The following C17orf78 variants were observed in gnomAD, a reference collection of about 807,000 sequenced individuals.
C17orf78 encodes chromosome 17 open reading frame 78, also known as uncharacterized protein C17orf78.
Under a neutral mutation model 31.8 loss-of-function variants are expected in C17orf78, and 27 were observed. That is an observed-to-expected ratio of 0.85 (90% confidence interval 0.63 to 1.17). The LOEUF is 1.17. Among genes scored for constraint, C17orf78 ranks in the 50% most tolerant of loss-of-function variants. The probability of loss-of-function intolerance (pLI) is 0.00; values close to 1 mark genes in which losing one functional copy is unlikely to be tolerated. For synonymous variants in C17orf78, 106 were observed against 115.1 expected, an observed-to-expected ratio of 0.92 and a Z score of 0.51; for missense variants, 258 against 315.2, an observed-to-expected ratio of 0.82 and a Z score of 1.37.
intron 3 of C17orf78, among the ~76,000 whole-genome samples, chr17:37,380,280 T>TG (rs2050188165): frequency 1.6e-5 from 1 of 60,674 alleles, no homozygotes; most frequent in African/African-American, 7.7e-5. Context: ...TGTTGTGGGG[T>TG]GGGGGGAGGG....
chr17:37,383,810 C>A (rs1279584621), intron 3 of C17orf78, among the ~76,000 whole-genome samples: 2 of 152,160 alleles, frequency 1.3e-5, no homozygotes, highest in African/African-American at 4.8e-5. Context: ...CTCAGCCTCC[C>A]AAAGTGCTGC....
chr17:37,377,481 G>A (rs1238348922), intron 1 of C17orf78, among the ~76,000 whole-genome samples: 1 of 151,872 alleles, frequency 6.6e-6, no homozygotes, highest in Non-Finnish European at 1.5e-5. Flanking sequence ...CCAAAATGGC[G>A]AAACCCCATC....
chr17:37,376,780 C>A (rs1333763157), intron 1 of C17orf78, among the ~76,000 whole-genome samples: 1 of 152,048 alleles, frequency 6.6e-6, no homozygotes, highest in Non-Finnish European at 1.5e-5. Flanking sequence ...CATGGCGAAA[C>A]CCCATCTCTA....
intron 4 of C17orf78, among the ~76,000 whole-genome samples, chr17:37,386,506 C>T (rs936092697): frequency 6.6e-6 from 1 of 152,080 alleles, no homozygotes; most frequent in Non-Finnish European, 1.5e-5. Flanking sequence ...AAAGAAGAAT[C>T]GCTTGAACCC....
intron 1 of C17orf78, among the ~76,000 whole-genome samples, chr17:37,377,603 T>C (rs1568074383): frequency 1.3e-5 from 2 of 151,874 alleles, no homozygotes; most frequent in African/African-American, 4.8e-5. Flanking sequence ...AATGTTGCAA[T>C]GAGCGGAGAT....
rs921591119 is a variant in C17orf78 at position 37,391,740 on chromosome 17, C to A, written c.*16C>A. ...ATACTTCTGAAAAGTTCTGCTCTAT[C>A]TCAAAGACTGAATGATACTACACAG... On this transcript the variant is annotated 3_prime_UTR_variant, in exon 7 of 7. Transcript: ENST00000615133. 6.2e-7 allele frequency: 1 copy of A among 1,604,460 alleles called. No individual in the cohort carries two copies. Among genetic ancestry groups the A allele is most frequent in the South Asian group, 1.1e-5 (1 of 90,904 alleles).
intron 4 of C17orf78, chr17:37,387,999 T>A (rs1289016067): frequency 6.6e-6 from 1 of 152,104 alleles, no homozygotes; most frequent in Non-Finnish European, 1.5e-5. Flanking sequence ...TCTGTCTGTA[T>A]AAAAAAATTT....
At chr17:37,390,330 A>ATATCTATATATATATATATC (rs1555672373) in intron 6 of C17orf78, among the ~76,000 whole-genome samples, 1 of 41,592 alleles carries the variant, frequency 2.4e-5, no homozygotes, top group Non-Finnish European at 3.7e-5. Context: ...ATATATATAT[A>ATATCTATATATATATATATC]TATAAAAGGC....
chr17:37,382,319 C>G (rs958408634), intron 3 of C17orf78, among the ~76,000 whole-genome samples: 2 of 151,932 alleles, frequency 1.3e-5, no homozygotes, highest in Non-Finnish European at 2.9e-5. Flanking sequence ...CTCCTTCTGC[C>G]CTCCTTTCCT....
At chr17:37,378,935 C>G (rs2050124537) in intron 2 of C17orf78, among the ~76,000 whole-genome samples, 1 of 151,952 alleles carries the variant, frequency 6.6e-6, no homozygotes, top group Non-Finnish European at 1.5e-5. Flanking sequence ...GTGGCATACA[C>G]CTGTAGTCCC....
intron 6 of C17orf78, among the ~76,000 whole-genome samples, chr17:37,390,140 G>GTATATATATATATATATA (rs1243535532): frequency 2.9e-5 from 1 of 34,626 alleles, no homozygotes; most frequent in Non-Finnish European, 4.7e-5. Flanking sequence ...AAAAAAAAAA[G>GTATATATATATATATATA]TATATATATA....
chr17:37,386,456 G>A (rs1817926056), intron 4 of C17orf78, among the ~76,000 whole-genome samples: 1 of 152,062 alleles, frequency 6.6e-6, no homozygotes, highest in Non-Finnish European at 1.5e-5. Context: ...GCCGGACGTG[G>A]TGGCAGGTAC....
rs376957267 is a variant in C17orf78 at position 37,381,690 on chromosome 17, C to G, written c.391+2308C>G. Among the ~76,000 whole-genome samples the G allele has an allele frequency of 2.9e-5, 4 of 140,348 alleles. No individual in the cohort carries two copies. The Middle Eastern group carries it at 0.013, about 446-fold the overall frequency. 92.1% of individuals were successfully genotyped at this position (140,348 alleles called of 152,430 possible). A position where few individuals can be genotyped will look rare whatever the true frequency, so the allele number is the denominator to read the frequency against. On this transcript the variant is annotated intron_variant, in intron 3 of 6. Coordinates refer to ENST00000615133, the MANE Select transcript of C17orf78 (RefSeq NM_173625.5). ...TTGCCCAGGCTGGAGTGCAGTGGTG[C>G]GATCTCAGCTCACTGCAAGCTCCGC... is the stretch of plus-strand genomic sequence containing the variant.
At chr17:37,381,775 T>C (rs4485415) in intron 3 of C17orf78, among the ~76,000 whole-genome samples, 7,377 of 151,304 alleles carry the variant, frequency 0.049, 232 homozygotes, top group Non-Finnish European at 0.053. Flanking sequence ...CTACAGGCAC[T>C]CGCCACCACA....
In C17orf78 at chr17:37,389,238, C is replaced by T. The variant is rs757761449; in HGVS notation, c.634-8C>T. 2 of 1,572,384 alleles carry T rather than the reference C, an allele frequency of 1.3e-6. No homozygotes were observed. Among genetic ancestry groups the T allele is most frequent in the Non-Finnish European group, 8.6e-7 (1 of 1,158,992 alleles). On this transcript the variant is annotated splice_region_variant and splice_polypyrimidine_tract_variant and intron_variant, in intron 5 of 6. Coordinates refer to ENST00000615133, the MANE Select transcript of C17orf78 (RefSeq NM_173625.5). The stretch of plus-strand genomic sequence containing the variant: ...TTCATATTAATACCAGTCATTTTCT[C>T]CCTTCAGTATCAATGCCTAGGAGCC...
At chr17:37,391,614 T>C (rs2050890044) in intron 6 of C17orf78, 33 bp from the exon 7 acceptor site, 1 of 1,597,042 alleles carries the variant, frequency 6.3e-7, no homozygotes, top group South Asian at 1.1e-5. Flanking sequence ...CTTGCATCCT[T>C]TTTTAACTTT....
chr17:37,376,968 T>C (rs543316995), intron 1 of C17orf78, among the ~76,000 whole-genome samples: 1 of 151,858 alleles, frequency 6.6e-6, no homozygotes, highest in South Asian at 2.1e-4. Flanking sequence ...AATAAAAAAT[T>C]AAAATAAAAA....
At chr17:37,382,265 C>G (rs1357279642) in intron 3 of C17orf78, among the ~76,000 whole-genome samples, 1 of 152,014 alleles carries the variant, frequency 6.6e-6, no homozygotes, top group Non-Finnish European at 1.5e-5. Flanking sequence ...CCTATTCCCC[C>G]ACAGCTGCTG....
chr17:37,378,784 G>A (rs146823902), intron 2 of C17orf78, among the ~76,000 whole-genome samples: 93 of 150,216 alleles, frequency 6.2e-4, no homozygotes, highest in African/African-American at 2.1e-3. Flanking sequence ...CTTCAAGGTC[G>A]GGTGCGGTGG....
Sources: allele counts gnomAD v4.1 joint callset (sites outside exome capture counted in the v4.1 genomes callset), GRCh38; gene constraint gnomAD v4.1.1; transcripts MANE v1.5; gene names NCBI Gene and HGNC (gene_info 2026-07-23, HGNC 2026-07-21).